Variants in ITSN2 observed in about 807,000 individuals in gnomAD.
ITSN2 encodes the protein intersectin-2.
ITSN2 carries 156 observed loss-of-function variants against 243.7 expected under a neutral mutation model. The ratio of observed to expected loss-of-function variants is 0.64; its 90% CI spans 0.56 to 0.73. ITSN2 has a LOEUF of 0.73. Ranked by LOEUF, ITSN2 falls within the 30% of genes least tolerant of loss-of-function variation. The pLI, the probability that ITSN2 is intolerant of heterozygous loss-of-function variation, is 0.00. For missense variants in ITSN2, 1,801 were observed against 1,996.1 expected (o/e 0.90, Z 1.86); for synonymous variants, 703 against 699.9 (o/e 1.00, Z -0.07).
chr2:24,345,060 CTTA>C (rs957379788), intron 1 of ITSN2, among the ~76,000 whole-genome samples: 2 of 152,108 alleles, frequency 1.3e-5, no homozygotes, highest in African/African-American at 4.8e-5. Context: ...TATAAAAATT[CTTA>C]TGACATTTTA....
chr2:24,288,565 G>C (rs1679822794), intron 15 of ITSN2, among the ~76,000 whole-genome samples: 1 of 151,960 alleles, frequency 6.6e-6, no homozygotes, highest in Non-Finnish European at 1.5e-5. Flanking sequence ...ATAAAAACTT[G>C]TATTTATAGT....
chr2:24,227,120 A>G (rs1240934920), intron 29 of ITSN2, among the ~76,000 whole-genome samples: 1 of 152,084 alleles, frequency 6.6e-6, no homozygotes. Context: ...CATCTCAAAA[A>G]AAGAAAAAGA....
At chr2:24,267,792 C>T (rs371680780) in intron 20 of ITSN2, among the ~76,000 whole-genome samples, 13 of 152,128 alleles carry the variant, frequency 8.5e-5, no homozygotes, top group African/African-American at 2.2e-4. Flanking sequence ...CCAGTACCTA[C>T]GTGATACTCC....
intron 17 of ITSN2, among the ~76,000 whole-genome samples, chr2:24,279,951 C>T (rs1410955782): frequency 6.6e-6 from 1 of 151,798 alleles, no homozygotes; most frequent in Admixed American, 6.6e-5. Context: ...CCAGGCTGGT[C>T]TCGAACTCCT....
chr2:24,290,491 A>C (rs751938118), intron 15 of ITSN2, among the ~76,000 whole-genome samples: 1 of 152,174 alleles, frequency 6.6e-6, no homozygotes, highest in Non-Finnish European at 1.5e-5. Context: ...TTCATTTTTA[A>C]TCATCAAATC....
intron 23 of ITSN2, among the ~76,000 whole-genome samples, chr2:24,256,490 C>G (rs1399152117): frequency 6.6e-6 from 1 of 152,168 alleles, no homozygotes; most frequent in Non-Finnish European, 1.5e-5. Flanking sequence ...GCTTTTCTAC[C>G]AACTTCCATA....
chr2:24,220,131 G>C (rs1015323854), intron 30 of ITSN2, among the ~76,000 whole-genome samples: 7 of 152,192 alleles, frequency 4.6e-5, no homozygotes, highest in African/African-American at 1.4e-4. Flanking sequence ...GGCTTGCTGG[G>C]GAACAGACGC....
At chr2:24,222,058 C>G (rs1670503285) in intron 29 of ITSN2, among the ~76,000 whole-genome samples, 1 of 152,086 alleles carries the variant, frequency 6.6e-6, no homozygotes, top group South Asian at 2.1e-4. Flanking sequence ...CGAGACCATC[C>G]TGGCTAACAC....
At chr2:24,230,850 T>C (rs149325288) in intron 29 of ITSN2, among the ~76,000 whole-genome samples, 1 of 152,142 alleles carries the variant, frequency 6.6e-6, no homozygotes, top group African/African-American at 2.4e-5. Flanking sequence ...AGTTTATAAA[T>C]AGCCCACAAG....
chr2:24,337,756 G>C (rs1177693290), intron 1 of ITSN2, among the ~76,000 whole-genome samples: 1 of 148,950 alleles, frequency 6.7e-6, no homozygotes, highest in Non-Finnish European at 1.5e-5. Context: ...CTCTCGAATA[G>C]CTAGGACTAC....
intron 27 of ITSN2, among the ~76,000 whole-genome samples, chr2:24,247,370 T>C (rs1463914562): frequency 6.6e-6 from 1 of 152,214 alleles, no homozygotes; most frequent in Non-Finnish European, 1.5e-5. Context: ...GGAACTCTAC[T>C]GCACTCTGCC....
At chr2:24,334,570 C>T (rs1686144680) in intron 1 of ITSN2, 1 of 968,194 alleles carries the variant, frequency 1.0e-6, no homozygotes, top group Non-Finnish European at 1.6e-6. Flanking sequence ...AAGCACCAAC[C>T]CTGCAAAGTG....
intron 1 of ITSN2, among the ~76,000 whole-genome samples, chr2:24,337,352 A>ATATATATATATATATG (rs1686561808): frequency 8.0e-6 from 1 of 124,604 alleles, no homozygotes; most frequent in African/African-American, 3.1e-5. Context: ...ATATATATAT[A>ATATATATATATATATG]TGTAATTTTT....
intron 29 of ITSN2, among the ~76,000 whole-genome samples, chr2:24,231,561 T>C (rs1263527314): frequency 1.3e-5 from 2 of 152,204 alleles, no homozygotes; most frequent in African/African-American, 4.8e-5. Context: ...ACCCCCACAC[T>C]GTGGGAGGAT....
chr2:24,218,037 T>A (rs767168381), intron 30 of ITSN2, 24 bp from the exon 31 acceptor site: 1 of 1,537,502 alleles, frequency 6.5e-7, no homozygotes, highest in East Asian at 2.2e-5. Context: ...ATAGAAAAAC[T>A]AGTTAGCTTA....
intron 32 of ITSN2, among the ~76,000 whole-genome samples, chr2:24,214,716 T>C (rs1233303407): frequency 6.6e-6 from 1 of 152,206 alleles, no homozygotes; most frequent in Non-Finnish European, 1.5e-5. Flanking sequence ...TATATTGATA[T>C]AATTTGTGCT....
At chr2:24,246,720 G>A in intron 28 of ITSN2, 77 bp downstream of exon 28, 2 of 845,994 alleles carry the variant, frequency 2.4e-6, no homozygotes, top group Admixed American at 2.2e-5. Flanking sequence ...GTTTTCCAAA[G>A]ATTGAGCTAA....
intron 2 of ITSN2, among the ~76,000 whole-genome samples, chr2:24,321,272 T>C (rs965915984): frequency 3.9e-5 from 6 of 152,224 alleles, no homozygotes; most frequent in African/African-American, 1.2e-4. Context: ...TCTGACTACC[T>C]TTACAATTTA....
At chr2:24,232,545 T>A (rs961385872) in intron 29 of ITSN2, among the ~76,000 whole-genome samples, 7 of 152,208 alleles carry the variant, frequency 4.6e-5, no homozygotes, top group African/African-American at 4.8e-5. Context: ...ATGCAGGATA[T>A]AGACTATTAT....
Sources: gnomAD v4.1 joint callset for allele counts (sites outside exome capture counted in the v4.1 genomes callset) on GRCh38, gnomAD v4.1.1 for gene constraint, MANE v1.5 for transcripts, NCBI Gene and HGNC (gene_info 2026-07-23, HGNC 2026-07-21) for gene names.